TDRD1: variants seen among roughly 807,000 people sequenced by gnomAD.
TDRD1 encodes the protein tudor domain-containing protein 1.
A neutral mutation model predicts 140.6 loss-of-function variants in TDRD1; 37 were observed. The observed-to-expected ratio is 0.26, with a 90% CI of 0.20 to 0.35. TDRD1 has a LOEUF of 0.35. TDRD1 is among the 10% of genes least tolerant of loss of function. The probability of loss-of-function intolerance (pLI) is 1.00; values close to 1 mark genes in which losing one functional copy is unlikely to be tolerated. For synonymous variants in TDRD1, 506 were observed against 475.7 expected (o/e 1.06, Z -0.83); for missense variants, 1,243 against 1,393.0 (o/e 0.89, Z 1.71).
chr10:114,199,487 C>T (rs747618584), intron 4 of TDRD1, among the ~76,000 whole-genome samples, 170 bp downstream of exon 4: 2 of 152,240 alleles, frequency 1.3e-5, no homozygotes, highest in East Asian at 1.9e-4. Context: ...TCACCCATCC[C>T]TTCCCATTCT....
chr10:114,209,207 G>C (rs1324506593), intron 11 of TDRD1, among the ~76,000 whole-genome samples: 1 of 152,074 alleles, frequency 6.6e-6, no homozygotes, highest in African/African-American at 2.4e-5. Context: ...CTCCAGCATG[G>C]GCAACATAGC....
At position 114,216,886 on chromosome 10, in the gene TDRD1, C is replaced by T. The variant is rs571272882; in HGVS notation, c.2213-659C>T. ...TTGTCACATTCTTAAAAGGCATTTGCTTTTCTTTTACTACTACTAAGTGGT... is the reference window on the plus strand; with the variant it reads ...TTGTCACATTCTTAAAAGGCATTTGTTTTTCTTTTACTACTACTAAGTGGT... On this transcript the variant is annotated intron_variant, in intron 16 of 25. Transcript: ENST00000251864. Among the ~76,000 whole-genome samples, 6 of 152,270 alleles carry T rather than the reference C, an allele frequency of 3.9e-5. No homozygotes were observed. The South Asian group carries it at 1.0e-3, about 26-fold the overall frequency.
At chr10:114,204,273 T>C (rs2034959907) in intron 9 of TDRD1, 57 bp downstream of exon 9, 1 of 1,517,822 alleles carries the variant, frequency 6.6e-7, no homozygotes, top group South Asian at 1.3e-5. Flanking sequence ...CTGTTGTCAA[T>C]GTTTTGATGG....
At chr10:114,214,781 A>C (rs1189152210) in intron 16 of TDRD1, among the ~76,000 whole-genome samples, 2 of 148,746 alleles carry the variant, frequency 1.3e-5, no homozygotes, top group Non-Finnish European at 3.0e-5. Context: ...TCTGTTGCCC[A>C]GGCCTGAGTG....
intron 13 of TDRD1, among the ~76,000 whole-genome samples, chr10:114,211,593 A>G (rs1044705445): frequency 6.6e-6 from 1 of 152,220 alleles, no homozygotes; most frequent in African/African-American, 2.4e-5. Context: ...TGATCAGGAT[A>G]TGTTCTCTGT....
intron 3 of TDRD1, among the ~76,000 whole-genome samples, chr10:114,192,366 C>CGAT (rs1297666355): frequency 7.5e-6 from 1 of 133,604 alleles, no homozygotes; most frequent in African/African-American, 2.9e-5. Flanking sequence ...TGCAGTGGCG[C>CGAT]GATCTCGGCT....
At chr10:114,204,665 A>G (rs1456747826) in intron 9 of TDRD1, 57 bp from the exon 10 acceptor site, 5 of 1,493,562 alleles carry the variant, frequency 3.3e-6, no homozygotes, top group Non-Finnish European at 4.5e-6. Flanking sequence ...ACAAATAATT[A>G]GAAAAAATCA....
chr10:114,191,047 G>A, intron 3 of TDRD1, 28 bp downstream of exon 3: 2 of 1,603,328 alleles, frequency 1.2e-6, no homozygotes, highest in Non-Finnish European at 1.7e-6. Context: ...GTGTGTGCTT[G>A]TTTGGGTAAA....
Position 114,220,849 on chromosome 10 carries a change from AT to A in TDRD1, c.2770+10del. Reference sequence around the variant, plus strand: ...TCATGTACAGGGACTTCAAGGTAACATTTTAAAACCATTTATTTGTTTAAAT... The same window carrying A: ...TCATGTACAGGGACTTCAAGGTAACATTTAAAACCATTTATTTGTTTAAAT... On this transcript the variant is annotated splice_region_variant and intron_variant, in intron 19 of 25. Transcript: ENST00000251864. The A allele has an allele frequency of 6.3e-7, 1 of 1,588,836 alleles. No individual in the cohort carries two copies.
intron 3 of TDRD1, among the ~76,000 whole-genome samples, chr10:114,193,667 T>G (rs2034148835): frequency 1.3e-5 from 2 of 152,154 alleles, no homozygotes; most frequent in South Asian, 4.1e-4. Context: ...AGGGACAGTT[T>G]TATGTTTTCT....
At chr10:114,176,573 A>T (rs903816340), upstream of TDRD1, among the ~76,000 whole-genome samples, 13 of 152,198 alleles carry the variant, frequency 8.5e-5, no homozygotes, top group South Asian at 2.1e-4. The surrounding 1 kb of genome is among the most constrained non-coding windows in gnomAD (Gnocchi z 4.2). Flanking sequence ...AAAGAAAATT[A>T]AAAAATAACA....
At chr10:114,213,318 G>A in intron 14 of TDRD1, 28 bp from the exon 15 acceptor site, 4 of 1,592,552 alleles carry the variant, frequency 2.5e-6, no homozygotes, top group Non-Finnish European at 3.4e-6. Context: ...CAGAATAATT[G>A]TAACATTCAT....
At chr10:114,205,718 G>C (rs1425927879) in intron 10 of TDRD1, among the ~76,000 whole-genome samples, 1 of 152,112 alleles carries the variant, frequency 6.6e-6, no homozygotes, top group East Asian at 1.9e-4. Context: ...GGCCGGGAAG[G>C]GTAGTCAGGG....
intron 18 of TDRD1, 108 bp downstream of exon 18, chr10:114,218,692 T>C (rs12778259): frequency 0.15 from 119,678 of 793,604 alleles, 10,118 homozygotes; most frequent in Middle Eastern, 0.22. Context: ...AGGATCCTGC[T>C]TCATATTATA....
chr10:114,186,430 A>T (rs2033531851), intron 1 of TDRD1, among the ~76,000 whole-genome samples: 1 of 151,736 alleles, frequency 6.6e-6, no homozygotes, highest in Admixed American at 6.6e-5. Flanking sequence ...CGCCTGGCTA[A>T]TTTTTTTGTA....
At chr10:114,222,256 T>TA (rs2036189360) in intron 20 of TDRD1, among the ~76,000 whole-genome samples, 1 of 152,296 alleles carries the variant, frequency 6.6e-6, no homozygotes, top group Non-Finnish European at 1.5e-5. Context: ...GTATAACACT[T>TA]ACTGAAAAGT....
At chr10:114,186,119 T>C (rs952534109) in intron 1 of TDRD1, among the ~76,000 whole-genome samples, 4 of 152,204 alleles carry the variant, frequency 2.6e-5, no homozygotes, top group Non-Finnish European at 4.4e-5. Context: ...TTCTGTTGAA[T>C]TAAGATTTCC....
intron 14 of TDRD1, 72 bp from the exon 15 acceptor site, chr10:114,213,273 TG>T (rs34518857): frequency 0.15 from 217,873 of 1,432,980 alleles, 18,412 homozygotes; most frequent in African/African-American, 0.24. Context: ...AAGTTTACCT[TG>T]GGGGAAATTA....
At chr10:114,222,599 A>C in exon 21 of TDRD1, 1 of 1,606,802 alleles carries the variant, frequency 6.2e-7, no homozygotes, top group Non-Finnish European at 8.5e-7. Flanking sequence ...AATCAGGAAA[A>C]GCTGTGCATG....
Sources: allele counts gnomAD v4.1 joint callset (sites outside exome capture counted in the v4.1 genomes callset), GRCh38; gene constraint gnomAD v4.1.1; non-coding constraint Gnocchi (gnomAD v3.1); transcripts MANE v1.5; gene names NCBI Gene and HGNC (gene_info 2026-07-23, HGNC 2026-07-21).